Variants in ACCSL observed in about 807,000 individuals in gnomAD.
The protein encoded by ACCSL is probable inactive 1-aminocyclopropane-1-carboxylate synthase-like protein 2.
A neutral mutation model predicts 61.7 loss-of-function variants in ACCSL; 55 were observed. That is an observed-to-expected ratio of 0.89 (90% CI 0.72 to 1.12). The LOEUF is 1.12. Among genes scored for constraint, ACCSL ranks in the 50% most tolerant of loss-of-function variants. The pLI is 0.00. For synonymous variants in ACCSL, 258 were observed against 264.3 expected, an observed-to-expected ratio of 0.98 and a Z score of 0.23; for missense variants, 632 against 698.0, an observed-to-expected ratio of 0.91 and a Z score of 1.07.
upstream of ACCSL, among the ~76,000 whole-genome samples, chr11:44,044,480 C>T (rs948692873): frequency 6.6e-6 from 1 of 152,090 alleles, no homozygotes; most frequent in Admixed American, 6.6e-5. Context: ...CAATTTTGCA[C>T]CTTGTATTTA....
the ACCSL span, among the ~76,000 whole-genome samples, chr11:43,930,121 C>T: frequency 6.6e-6 from 1 of 152,192 alleles, no homozygotes; most frequent in Non-Finnish European, 1.5e-5. Flanking sequence ...CGGATTCCCA[C>T]CTGGCCCCCA....
At chr11:43,946,782 T>C in the ACCSL span, among the ~76,000 whole-genome samples, 2 of 152,250 alleles carry the variant, frequency 1.3e-5, no homozygotes, top group South Asian at 2.1e-4. Flanking sequence ...TAAGGGTTGA[T>C]GTGGAGAGAA....
chr11:43,981,803 G>A, the ACCSL span, among the ~76,000 whole-genome samples: 4 of 152,200 alleles, frequency 2.6e-5, no homozygotes, highest in Admixed American at 1.3e-4. Flanking sequence ...GCCACCTTTG[G>A]TCAAGGTTTC....
At chr11:43,998,436 T>C in the ACCSL span, among the ~76,000 whole-genome samples, 1 of 152,240 alleles carries the variant, frequency 6.6e-6, no homozygotes, top group Admixed American at 6.5e-5. Context: ...TGTGACTGGT[T>C]CCATAAGGAA....
Position 44,051,351 on chromosome 11 carries a change from GC to G in ACCSL, c.655del (p.Arg219GlyfsTer3). The G allele has an allele frequency of 6.2e-7, 1 of 1,614,170 alleles. No homozygotes were observed. The highest frequency in any genetic ancestry group is 8.5e-7 in the Non-Finnish European group (1 of 1,180,028). ...RGQPFLREEVARFLTYYCRAP... is the reference protein window; with the variant it reads ...RGQPFLREEVXRFLTYYCRAP... ...TGTTTACAGCCTGCGGGAAGAAGTG[GC>G]CCGGTTCCTGACCTACTACTGCAGG... is the stretch of plus-strand genomic sequence containing the variant. On this transcript the variant is annotated frameshift_variant, in exon 4 of 14. Transcript: ENST00000378832. LOFTEE classifies it high-confidence loss of function.
At chr11:43,988,685 A>G in the ACCSL span, among the ~76,000 whole-genome samples, 1 of 151,710 alleles carries the variant, frequency 6.6e-6, no homozygotes, top group Non-Finnish European at 1.5e-5. Context: ...CAAGCAGGCC[A>G]CTCGGTTCCA....
chr11:43,981,262 A>T, the ACCSL span, among the ~76,000 whole-genome samples: 3 of 152,166 alleles, frequency 2.0e-5, no homozygotes, highest in Admixed American at 1.3e-4. Flanking sequence ...TCTTCCAGCA[A>T]GTCCTGGTAA....
chr11:44,009,072 G>A, the ACCSL span, among the ~76,000 whole-genome samples: 1 of 152,142 alleles, frequency 6.6e-6, no homozygotes, highest in Admixed American at 6.5e-5. Flanking sequence ...GGACGCTGAG[G>A]TGGGAGAATC....
chr11:43,964,441 A>G, the ACCSL span, among the ~76,000 whole-genome samples: 2 of 151,736 alleles, frequency 1.3e-5, no homozygotes, highest in African/African-American at 4.8e-5. Context: ...TGTCTCAAAA[A>G]AAAAAAAAAA....
At chr11:43,980,748 AAGCTAGT>A in the ACCSL span, among the ~76,000 whole-genome samples, 9 of 152,242 alleles carry the variant, frequency 5.9e-5, no homozygotes, top group Non-Finnish European at 1.5e-5. Flanking sequence ...ATCTACTGAA[AAGCTAGT>A]AGCTTTTCAG....
the ACCSL span, among the ~76,000 whole-genome samples, chr11:43,984,592 C>T: frequency 6.6e-6 from 1 of 152,346 alleles, no homozygotes; most frequent in African/African-American, 2.4e-5. Context: ...CAACCAGGCT[C>T]AGAATAAATT....
Position 44,048,058 on chromosome 11 carries a change from C to A in ACCSL, c.22C>A (p.Leu8Ile). ...GAGTATGAGTCATCGGTCAGACACC[C>A]TTCCTGTGCCCTCTGGTCAGAGGAG... is the stretch of plus-strand genomic sequence containing the variant. Reference protein sequence around the residue: MSHRSDTLPVPSGQRRGR... With the variant: MSHRSDTIPVPSGQRRGR... The change falls in exon 1 of 14, where the codon CTT becomes ATT. Residue 8 changes from leucine (L) to isoleucine (I), a missense_variant. Physicochemically the swap from Leu to Ile is conservative, Grantham distance 5. Transcript: ENST00000378832. The A allele has an allele frequency of 2.5e-6, 4 of 1,612,924 alleles. No homozygotes were observed. Among genetic ancestry groups the A allele is most frequent in the Non-Finnish European group, 3.4e-6 (4 of 1,178,984 alleles).
chr11:44,008,447 C>T, the ACCSL span, among the ~76,000 whole-genome samples: 1 of 152,248 alleles, frequency 6.6e-6, no homozygotes, highest in African/African-American at 2.4e-5. Flanking sequence ...AAAGCAATGT[C>T]AGGAGACCTG....
the ACCSL span, among the ~76,000 whole-genome samples, chr11:43,962,396 A>G: frequency 6.6e-6 from 1 of 152,232 alleles, no homozygotes; most frequent in Non-Finnish European, 1.5e-5. Context: ...TGTTCCTTTT[A>G]GGAAGGTATG....
the ACCSL span, among the ~76,000 whole-genome samples, chr11:43,939,854 G>T: frequency 2.0e-5 from 3 of 152,106 alleles, no homozygotes; most frequent in Non-Finnish European, 1.5e-5. Flanking sequence ...TGATCCATCC[G>T]CCTTGGCCTC....
chr11:44,043,942 C>A (rs1158071188), upstream of ACCSL, among the ~76,000 whole-genome samples: 2 of 152,178 alleles, frequency 1.3e-5, no homozygotes, highest in Non-Finnish European at 2.9e-5. Flanking sequence ...TTATAATCTA[C>A]TCCCAATAGC....
rs190117568 is a variant in ACCSL at position 44,049,141 on chromosome 11, T to C, written c.504+601T>C. Among the ~76,000 whole-genome samples, 700 of 152,072 alleles carry C rather than the reference T, an allele frequency of 4.6e-3. 3 individuals are homozygous for C. Among genetic ancestry groups the C allele is most frequent in the Non-Finnish European group, 6.3e-3 (430 of 67,946 alleles). ...GTGTTAAGATGTTACCCTAAGAGGCTGGGCGTGGTGGCTCATGCCTGTAAT... is the reference window on the plus strand; with the variant it reads ...GTGTTAAGATGTTACCCTAAGAGGCCGGGCGTGGTGGCTCATGCCTGTAAT... On this transcript the variant is annotated intron_variant, in intron 1 of 13. Coordinates refer to ENST00000378832, the MANE Select transcript of ACCSL (RefSeq NM_001031854.2).
At chr11:44,042,049 T>A in the ACCSL span, among the ~76,000 whole-genome samples, 1 of 152,226 alleles carries the variant, frequency 6.6e-6, no homozygotes, top group Non-Finnish European at 1.5e-5. Context: ...GTCATAAGGT[T>A]ATTTTATGGT....
chr11:43,959,361 G>A, the ACCSL span, among the ~76,000 whole-genome samples: 1 of 152,250 alleles, frequency 6.6e-6, no homozygotes, highest in South Asian at 2.1e-4. Flanking sequence ...TGAGCTGCCT[G>A]TGGATGTGGA....
Sources: gnomAD v4.1 joint callset for allele counts (sites outside exome capture counted in the v4.1 genomes callset) on GRCh38, gnomAD v4.1.1 for gene constraint, MANE v1.5 for transcripts, NCBI Gene and HGNC (gene_info 2026-07-23, HGNC 2026-07-21) for gene names.